The following TMEM117 variants were observed in gnomAD, a reference collection of about 807,000 sequenced individuals.
The protein encoded by TMEM117 is transmembrane protein 117.
TMEM117 carries 27 observed loss-of-function variants against 52.4 expected under a neutral mutation model. That is an observed-to-expected ratio of 0.51 (90% CI 0.38 to 0.71). TMEM117 has a LOEUF of 0.71. TMEM117 is among the 30% of genes least tolerant of loss of function. The pLI is 0.00. For synonymous variants in TMEM117, 215 were observed against 206.3 expected, an observed-to-expected ratio of 1.04 and a Z score of -0.36; for missense variants, 556 against 630.5, an observed-to-expected ratio of 0.88 and a Z score of 1.26.
rs73284248 is a variant in TMEM117 at position 43,924,893 on chromosome 12, T to C, written c.278-19317T>C. On this transcript the variant is annotated intron_variant, in intron 2 of 7. Coordinates refer to ENST00000266534, the MANE Select transcript of TMEM117 (RefSeq NM_032256.3). ...TTGGCTGGTTCTGGCTTGGGATCTC[T>C]CATGAGGTTGTTGTGACTATATCAG... Among the ~76,000 whole-genome samples the C allele has an allele frequency of 8.3e-3, 1,261 of 152,280 alleles. 29 individuals are homozygous for C. Among genetic ancestry groups the C allele is most frequent in the African/African-American group, 0.028 (1,176 of 41,552 alleles).
At chr12:43,979,689 A>G (rs75839358) in intron 3 of TMEM117, among the ~76,000 whole-genome samples, 17,111 of 152,186 alleles carry the variant, frequency 0.11, 1,191 homozygotes, top group East Asian at 0.23. Flanking sequence ...AAGTCATGCA[A>G]AAGTCTCCAT....
chr12:43,864,248 C>G (rs1943543246), intron 2 of TMEM117, among the ~76,000 whole-genome samples: 1 of 152,240 alleles, frequency 6.6e-6, no homozygotes. Context: ...TCATGGCACC[C>G]AGTCCCACCC....
chr12:43,872,630 A>G (rs1943725887), intron 2 of TMEM117, among the ~76,000 whole-genome samples: 2 of 152,206 alleles, frequency 1.3e-5, no homozygotes, highest in Admixed American at 1.3e-4. Context: ...ACAGGAAGAC[A>G]TTGAGCATAA....
intron 5 of TMEM117, among the ~76,000 whole-genome samples, chr12:44,242,654 A>G (rs1255142410): frequency 6.8e-6 from 1 of 147,384 alleles, no homozygotes; most frequent in Non-Finnish European, 1.5e-5. Context: ...TATATATATT[A>G]TATTATATCT....
At chr12:43,805,353 G>A in the TMEM117 span, among the ~76,000 whole-genome samples, 3 of 152,152 alleles carry the variant, frequency 2.0e-5, no homozygotes, top group African/African-American at 7.2e-5. Context: ...GTGCGTGCAG[G>A]GGGATGTGTG....
At chr12:44,104,790 A>C (rs2138086256) in intron 3 of TMEM117, among the ~76,000 whole-genome samples, 1 of 152,118 alleles carries the variant, frequency 6.6e-6, no homozygotes, top group South Asian at 2.1e-4. Context: ...AATGCTTTTA[A>C]CATTTCACTC....
intron 2 of TMEM117, among the ~76,000 whole-genome samples, chr12:43,882,608 C>T (rs762174644): frequency 1.1e-4 from 16 of 152,108 alleles, no homozygotes; most frequent in Non-Finnish European, 2.2e-4. Flanking sequence ...TCAAAAATTT[C>T]ATTAGAAGTA....
intron 3 of TMEM117, among the ~76,000 whole-genome samples, chr12:44,087,804 T>C (rs1400341625): frequency 6.6e-6 from 1 of 152,168 alleles, no homozygotes; most frequent in African/African-American, 2.4e-5. Context: ...ATGTATAGCA[T>C]TCAAAAATGT....
At chr12:43,892,208 C>T (rs1269258692) in intron 2 of TMEM117, among the ~76,000 whole-genome samples, 2 of 152,182 alleles carry the variant, frequency 1.3e-5, no homozygotes, top group Non-Finnish European at 2.9e-5. Flanking sequence ...GGGGCAAAAT[C>T]CTGGGGAAAT....
intron 3 of TMEM117, among the ~76,000 whole-genome samples, chr12:44,127,347 A>T (rs1948342266): frequency 2.0e-5 from 3 of 152,072 alleles, no homozygotes; most frequent in Non-Finnish European, 4.4e-5. Context: ...GTTGTTTTGA[A>T]GGTATTTTGT....
intron 6 of TMEM117, among the ~76,000 whole-genome samples, chr12:44,371,942 A>G (rs1951869816): frequency 6.6e-6 from 1 of 152,192 alleles, no homozygotes; most frequent in Non-Finnish European, 1.5e-5. Flanking sequence ...TTTTATTTTT[A>G]TATGGGAAAT....
At chr12:44,275,815 C>T (rs1016560489) in intron 5 of TMEM117, among the ~76,000 whole-genome samples, 22 of 148,684 alleles carry the variant, frequency 1.5e-4, no homozygotes, top group African/African-American at 4.5e-4. Context: ...CTTGTGGGGG[C>T]GGGGAGGTGG....
At chr12:43,902,196 T>G (rs1944315130) in intron 2 of TMEM117, among the ~76,000 whole-genome samples, 1 of 152,168 alleles carries the variant, frequency 6.6e-6, no homozygotes, top group Non-Finnish European at 1.5e-5. Flanking sequence ...GACATGTCCT[T>G]GAGTGAGGGA....
intron 3 of TMEM117, among the ~76,000 whole-genome samples, chr12:44,093,362 T>C (rs531226327): frequency 3.9e-5 from 6 of 152,310 alleles, no homozygotes; most frequent in Non-Finnish European, 8.8e-5. Flanking sequence ...ATTATTAATA[T>C]AATTGTATGA....
intron 3 of TMEM117, among the ~76,000 whole-genome samples, chr12:43,995,533 T>C (rs1946015047): frequency 6.6e-6 from 1 of 152,238 alleles, no homozygotes; most frequent in Non-Finnish European, 1.5e-5. Flanking sequence ...TCTTGTTTTT[T>C]AAAATTTTTA....
At chr12:44,036,868 A>G (rs921842549) in intron 3 of TMEM117, among the ~76,000 whole-genome samples, 1 of 152,240 alleles carries the variant, frequency 6.6e-6, no homozygotes, top group Non-Finnish European at 1.5e-5. Flanking sequence ...GTAACAGACT[A>G]TAATTTTTAC....
At chr12:44,106,289 A>G (rs1435833096) in intron 3 of TMEM117, among the ~76,000 whole-genome samples, 1 of 152,044 alleles carries the variant, frequency 6.6e-6, no homozygotes, top group Non-Finnish European at 1.5e-5. Flanking sequence ...AACCTTGTCT[A>G]TTATTTATAT....
intron 5 of TMEM117, among the ~76,000 whole-genome samples, chr12:44,268,863 C>T (rs1376513487): frequency 6.6e-6 from 1 of 152,106 alleles, no homozygotes; most frequent in Non-Finnish European, 1.5e-5. Context: ...CCCCAAAAAC[C>T]TCTGTTGTTT....
intron 4 of TMEM117, among the ~76,000 whole-genome samples, chr12:44,206,347 A>G (rs57655063): frequency 0.019 from 2,904 of 151,540 alleles, 82 homozygotes; most frequent in African/African-American, 0.067. Context: ...TAAACCAACA[A>G]CCTCCAGCGT....
Sources: allele counts gnomAD v4.1 joint callset (sites outside exome capture counted in the v4.1 genomes callset), GRCh38; gene constraint gnomAD v4.1.1; transcripts MANE v1.5; gene names NCBI Gene and HGNC (gene_info 2026-07-23, HGNC 2026-07-21).